SLC45A4: variants seen among roughly 807,000 people sequenced by gnomAD.
SLC45A4 encodes polyamine-transporter SLC45A4.
A neutral mutation model predicts 63.7 loss-of-function variants in SLC45A4; 32 were observed. The ratio of observed to expected loss-of-function variants is 0.50; its 90% CI spans 0.38 to 0.67. The LOEUF is 0.67. Among genes scored for constraint, SLC45A4 ranks in the 30% least tolerant of loss-of-function variants. The pLI is 0.00. For missense variants in SLC45A4, 1,027 were observed against 1,157.7 expected (o/e 0.89, Z 1.64); for synonymous variants, 535 against 510.0 (o/e 1.05, Z -0.66).
intron 2 of SLC45A4, among the ~76,000 whole-genome samples, chr8:141,241,031 G>A (rs117931335): frequency 0.012 from 1,896 of 152,358 alleles, 30 homozygotes; most frequent in Middle Eastern, 0.054. Context: ...GCTTTGGGGC[G>A]CTGTGGGCCT....
rs369040693 is a variant in SLC45A4 at position 141,218,849 on chromosome 8, C to T, written c.791G>A (p.Arg264His). ...CAGGGCGCCGGGCTCCTCAGCGCTG[C>T]GCTCCTGCTGCGGGCTGTACTGCTC... is the stretch of plus-strand genomic sequence containing the variant. Reference protein sequence around the residue: ...DEEQYSPQQERSAEEPGALDG... With the variant: ...DEEQYSPQQEHSAEEPGALDG... The change falls in exon 5 of 9, where the codon CGC (arginine) becomes CAC (histidine). Residue 264 changes from arginine to histidine, a missense_variant. By Grantham distance (29) the Arg-to-His change is conservative. Coordinates refer to ENST00000517878, the MANE Select transcript of SLC45A4 (RefSeq NM_001286646.2). 234 of 1,613,344 alleles carry T rather than the reference C, an allele frequency of 1.5e-4. 6 individuals carry two copies. The Middle Eastern group carries it at 1.5e-3, about 10-fold the overall frequency.
intron 1 of SLC45A4, among the ~76,000 whole-genome samples, chr8:141,293,766 C>T (rs889324799): frequency 6.6e-6 from 1 of 151,976 alleles, no homozygotes; most frequent in Non-Finnish European, 1.5e-5. Context: ...AACCCCGTCT[C>T]TACTAAAAGT....
chr8:141,254,079 G>A lies in SLC45A4; in HGVS notation c.151C>T (p.Leu51=). 1 of 1,536,172 alleles carries A rather than the reference G, an allele frequency of 6.5e-7. No individual in the cohort carries two copies. Among genetic ancestry groups the A allele is most frequent in the Non-Finnish European group, 8.7e-7 (1 of 1,146,916 alleles). ...EGSIDRIPMR[L]WVMHGAVMFG... is the part of the protein sequence containing the mutation. ...ATCACCGCCCCGTGCATCACCCACA[G>A]GCGCATGGGGATTCGGTCTATGGAC... Residue 51 remains leucine, a synonymous_variant, in exon 2 of 9, where the codon CTG becomes TTG. Coordinates refer to ENST00000517878, the MANE Select transcript of SLC45A4 (RefSeq NM_001286646.2). The surrounding 1 kb of genome is among the most constrained non-coding windows in gnomAD (Gnocchi z 4.5).
At chr8:141,231,022 C>T (rs969250113) in intron 2 of SLC45A4, among the ~76,000 whole-genome samples, 3 of 152,248 alleles carry the variant, frequency 2.0e-5, no homozygotes, top group Admixed American at 2.0e-4. Context: ...CGCCCGGCCT[C>T]TCTCTTCTCC....
chr8:141,220,855 C>T (rs1305134126), intron 3 of SLC45A4, among the ~76,000 whole-genome samples: 4 of 152,238 alleles, frequency 2.6e-5, no homozygotes, highest in Admixed American at 6.5e-5. Context: ...TCGAGGGACA[C>T]GGACAGGCAG....
chr8:141,259,420 C>T (rs556552610), intron 1 of SLC45A4, among the ~76,000 whole-genome samples: 16 of 152,356 alleles, frequency 1.1e-4, no homozygotes, highest in Admixed American at 2.0e-4. Flanking sequence ...GAGGGATCAC[C>T]CTTCGGAGCA....
chr8:141,263,246 A>G (rs1197786516), intron 1 of SLC45A4, among the ~76,000 whole-genome samples: 4 of 151,370 alleles, frequency 2.6e-5, no homozygotes, highest in South Asian at 4.2e-4. Flanking sequence ...GATAGCATGA[A>G]GAGATATACC....
Position 141,233,233 on chromosome 8 carries a change from G to A in SLC45A4, c.242-11468C>T, listed in dbSNP as rs80203103. 9.5e-3 allele frequency among the ~76,000 whole-genome samples: 1,441 copies of A among 152,284 alleles called. 9 individuals carry two copies. Among genetic ancestry groups the A allele is most frequent in the South Asian group, 0.027 (129 of 4,830 alleles). The stretch of plus-strand genomic sequence containing the variant: ...GCACACAGCTGGGCTGCAGACATTC[G>A]TTCATTGTACCCTGCCTACTGCCAC... On this transcript the variant is annotated intron_variant, in intron 2 of 8. Transcript: ENST00000517878.
In SLC45A4 at chr8:141,277,249, A is replaced by G. The variant is rs199521386; in HGVS notation, c.-400-22620T>C. On this transcript the variant is annotated intron_variant, in intron 1 of 8. Transcript: ENST00000517878. ...AGAATCTTCCTCATCTGGGGACACA[A>G]GACAGGTCCGGGTCCGGCGAGGACC... is the stretch of plus-strand genomic sequence containing the variant. Among the ~76,000 whole-genome samples the G allele has an allele frequency of 6.6e-5, 10 of 152,362 alleles. No homozygotes were observed. In the East Asian group the frequency reaches 1.9e-3, roughly 29 times the overall value.
At chr8:141,273,190 C>T (rs1271736059) in intron 1 of SLC45A4, among the ~76,000 whole-genome samples, 1 of 152,206 alleles carries the variant, frequency 6.6e-6, no homozygotes, top group Non-Finnish European at 1.5e-5. Context: ...CCCTTCTTAC[C>T]TGTATATAGT....
chr8:141,255,324 C>T (rs1828723045), intron 1 of SLC45A4, among the ~76,000 whole-genome samples: 1 of 152,170 alleles, frequency 6.6e-6, no homozygotes, highest in African/African-American at 2.4e-5. Flanking sequence ...GCGATCTACC[C>T]TGCCTCGGCC....
chr8:141,294,619 G>A (rs1475117863), intron 1 of SLC45A4, among the ~76,000 whole-genome samples: 3 of 152,240 alleles, frequency 2.0e-5, no homozygotes, highest in Non-Finnish European at 4.4e-5. Context: ...CCTGTGGCAG[G>A]AACGGCTGTG....
At chr8:141,260,964 C>T (rs113239892) in intron 1 of SLC45A4, among the ~76,000 whole-genome samples, 2,449 of 152,210 alleles carry the variant, frequency 0.016, 36 homozygotes, top group Non-Finnish European at 0.025. Flanking sequence ...AACATTGATG[C>T]AAAAATCCTC....
At chr8:141,282,120 T>C (rs951013311) in intron 1 of SLC45A4, among the ~76,000 whole-genome samples, 13 of 152,064 alleles carry the variant, frequency 8.5e-5, no homozygotes, top group Middle Eastern at 3.2e-3. Context: ...AGGACGATCG[T>C]CAGAAATACA....
intron 2 of SLC45A4, chr8:141,224,736 G>A (rs1352956335): frequency 6.6e-6 from 1 of 152,342 alleles, no homozygotes; most frequent in African/African-American, 2.4e-5. Flanking sequence ...ACAGGCGTGA[G>A]CCACTGCACC....
In SLC45A4 at chr8:141,244,349, C is replaced by T. The variant is rs141873596; in HGVS notation, c.241+9640G>A. On this transcript the variant is annotated intron_variant, in intron 2 of 8. Transcript: ENST00000517878. ...CGGAATGTAATACATCAGCTTCTGA[C>T]CTGGGACAGGAGCATGTGGCCATAT... Among the ~76,000 whole-genome samples the T allele has an allele frequency of 3.9e-3, 592 of 152,316 alleles. 5 individuals are homozygous for T. The highest frequency in any genetic ancestry group is 0.013 in the African/African-American group (546 of 41,576).
chr8:141,288,400 G>A (rs1264189253), intron 1 of SLC45A4, among the ~76,000 whole-genome samples: 5 of 152,200 alleles, frequency 3.3e-5, no homozygotes, highest in South Asian at 2.1e-4. Context: ...CAAGCGCATC[G>A]GTACGCCACA....
At chr8:141,272,198 G>C (rs538696747) in intron 1 of SLC45A4, among the ~76,000 whole-genome samples, 1 of 152,350 alleles carries the variant, frequency 6.6e-6, no homozygotes, top group African/African-American at 2.4e-5. Flanking sequence ...AATCTCCCTG[G>C]TTGCCATATT....
intron 1 of SLC45A4, among the ~76,000 whole-genome samples, chr8:141,294,388 G>T (rs902510099): frequency 6.6e-6 from 1 of 152,238 alleles, no homozygotes; most frequent in Non-Finnish European, 1.5e-5. Flanking sequence ...AGCAGAGCAG[G>T]AGGTCAGCAG....
Sources: allele counts gnomAD v4.1 joint callset (sites outside exome capture counted in the v4.1 genomes callset), GRCh38; gene constraint gnomAD v4.1.1; non-coding constraint Gnocchi (gnomAD v3.1); transcripts MANE v1.5; gene names NCBI Gene and HGNC (gene_info 2026-07-23, HGNC 2026-07-21).